The following EML4 variants were observed in gnomAD, a reference collection of about 807,000 sequenced individuals.
The protein encoded by EML4 is echinoderm microtubule-associated protein-like 4.
Under a neutral mutation model 129.0 loss-of-function variants are expected in EML4, and 72 were observed. The ratio of observed to expected loss-of-function variants is 0.56; its 90% CI spans 0.46 to 0.68. The LOEUF is 0.68. Among genes scored for constraint, EML4 ranks in the 30% least tolerant of loss-of-function variants. The pLI, the probability that EML4 is intolerant of heterozygous loss-of-function variation, is 0.00. For missense variants in EML4, 1,363 were observed against 1,190.6 expected, an observed-to-expected ratio of 1.14 and a Z score of -2.13; for synonymous variants, 532 against 405.0, an observed-to-expected ratio of 1.31 and a Z score of -3.77.
At chr2:42,308,377 G>A (rs1283013013) in intron 17 of EML4, among the ~76,000 whole-genome samples, 2 of 152,064 alleles carry the variant, frequency 1.3e-5, no homozygotes, top group East Asian at 1.9e-4. Flanking sequence ...GCGTGGTGGT[G>A]TGTGCACCTG....
chr2:42,315,358 A>G (rs1422600536), intron 17 of EML4, among the ~76,000 whole-genome samples: 1 of 152,170 alleles, frequency 6.6e-6, no homozygotes, highest in East Asian at 1.9e-4. Context: ...TGTCTTCTTC[A>G]AGAACACTGA....
Position 42,288,257 on chromosome 2 carries a change from G to C in EML4, c.1153G>C (p.Asp385His). Residue 385 changes from aspartate (D) to histidine (H), a missense_variant, in exon 11 of 23, where the codon GAC (aspartate) becomes CAC (histidine). Physicochemically the swap from Asp to His is moderately conservative, Grantham distance 81. Transcript: ENST00000318522. ...DSGVHLCIID[D>H]SNEHMLTVWD... The stretch of plus-strand genomic sequence containing the variant: ...AGGTGTTCATTTATGTATTATTGAT[G>C]ACTCCAATGAGCATATGCTTACTGT... The C allele has an allele frequency of 6.5e-7, 1 of 1,545,746 alleles. No homozygotes were observed. Among genetic ancestry groups the C allele is most frequent in the Non-Finnish European group, 8.9e-7 (1 of 1,128,984 alleles).
Position 42,302,688 on chromosome 2 carries a change from C to T in EML4, c.1642-416C>T, listed in dbSNP as rs147084639. ...AGCTGGGATTATAGGCGCCCGCCAC[C>T]GCACCTGGCTGATTTTTATATTTTT... On this transcript the variant is annotated intron_variant, in intron 14 of 22. Transcript: ENST00000318522. 1.8e-3 allele frequency among the ~76,000 whole-genome samples: 278 copies of T among 152,124 alleles called. 6 individuals are homozygous for T. In the East Asian group the frequency reaches 0.025, roughly 14 times the overall value.
At chr2:42,288,885 C>G (rs1667461811) in intron 11 of EML4, 2 of 152,080 alleles carry the variant, frequency 1.3e-5, no homozygotes, top group African/African-American at 4.8e-5. Context: ...TGCATTGAAG[C>G]TGGGTTTATA....
At chr2:42,191,529 T>A (rs527561927) in intron 1 of EML4, among the ~76,000 whole-genome samples, 7 of 152,258 alleles carry the variant, frequency 4.6e-5, no homozygotes, top group Admixed American at 1.3e-4. Context: ...AGAACCAATG[T>A]TTAGAAAAAT....
chr2:42,226,592 G>A (rs1055850545), intron 1 of EML4, among the ~76,000 whole-genome samples: 7 of 152,072 alleles, frequency 4.6e-5, no homozygotes, highest in African/African-American at 1.7e-4. Flanking sequence ...GGGAGGCGCA[G>A]GTTGCTGTGA....
chr2:42,225,223 T>C (rs1673879493), intron 1 of EML4, among the ~76,000 whole-genome samples: 1 of 152,144 alleles, frequency 6.6e-6, no homozygotes, highest in Non-Finnish European at 1.5e-5. Flanking sequence ...AACATTGGTG[T>C]ATAAAAGTAT....
intron 1 of EML4, among the ~76,000 whole-genome samples, chr2:42,205,621 AAAAG>A (rs1572540113): frequency 6.6e-6 from 1 of 152,198 alleles, no homozygotes; most frequent in African/African-American, 2.4e-5. Context: ...TGTTAGTGCA[AAAAG>A]AAAGGGTTTT....
At chr2:42,211,186 C>T (rs775108774) in intron 1 of EML4, among the ~76,000 whole-genome samples, 10 of 152,032 alleles carry the variant, frequency 6.6e-5, no homozygotes, top group Non-Finnish European at 1.2e-4. Context: ...TATGGTCTCC[C>T]ATCATGAAGG....
At chr2:42,203,930 T>C (rs1210923969) in intron 1 of EML4, among the ~76,000 whole-genome samples, 2 of 152,000 alleles carry the variant, frequency 1.3e-5, no homozygotes, top group Non-Finnish European at 2.9e-5. Flanking sequence ...CCTTTCTTTT[T>C]CCCCCAAAGA....
chr2:42,330,074 G>C lies in EML4; in HGVS notation c.2813G>C (p.Ser938Thr). The C allele has an allele frequency of 6.2e-7, 1 of 1,613,244 alleles. No homozygotes were observed. Residue 938 changes from serine (S) to threonine (T), a missense_variant, in exon 23 of 23, where the codon AGC (serine) becomes ACC (threonine). Transcript: ENST00000318522. ...ACTGTGGAGCCAAGTGAAGACCACA[G>C]CGAGGAGGAGAGTGAAGAGGGCAGC... ...EQTVEPSEDH[S>T]EEESEEGSGD...
intron 16 of EML4, 121 bp from the exon 17 acceptor site, chr2:42,304,363 C>A: frequency 1.4e-6 from 1 of 719,560 alleles, no homozygotes; most frequent in Non-Finnish European, 2.5e-6. Context: ...TTCTCATTAG[C>A]TACAAAGTTG....
At position 42,176,061 on chromosome 2, in the gene EML4, C is replaced by A. The variant is rs182130872; in HGVS notation, c.25+6425C>A. On this transcript the variant is annotated intron_variant, in intron 1 of 22. Coordinates refer to ENST00000318522, the MANE Select transcript of EML4 (RefSeq NM_019063.5). ...GGAGTCCAGTGGTCTTTTCTCTACT[C>A]CAATACTGACTCTTTATAACCCTCA... 9.8e-4 allele frequency among the ~76,000 whole-genome samples: 148 copies of A among 151,432 alleles called. 2 individuals carry two copies. The East Asian group carries it at 0.022, about 23-fold the overall frequency.
chr2:42,185,982 TGAGTTTAA>T (rs1373690882), intron 1 of EML4, among the ~76,000 whole-genome samples: 1 of 152,174 alleles, frequency 6.6e-6, no homozygotes, highest in African/African-American at 2.4e-5. Flanking sequence ...TTTATGCATA[TGAGTTTAA>T]GTGTTCATAG....
intron 1 of EML4, among the ~76,000 whole-genome samples, chr2:42,221,330 C>T (rs1673578739): frequency 6.6e-6 from 1 of 151,620 alleles, no homozygotes; most frequent in Non-Finnish European, 1.5e-5. Flanking sequence ...ATTATTCTAC[C>T]CTGCGCATGT....
At chr2:42,170,621 G>A (rs1247231535) in intron 1 of EML4, among the ~76,000 whole-genome samples, 1 of 152,228 alleles carries the variant, frequency 6.6e-6, no homozygotes, top group South Asian at 2.1e-4. Context: ...ATTCTTCGAG[G>A]CCATTGAAAT....
At chr2:42,236,289 T>A (rs1674668843) in intron 1 of EML4, among the ~76,000 whole-genome samples, 1 of 152,246 alleles carries the variant, frequency 6.6e-6, no homozygotes, top group South Asian at 2.1e-4. Flanking sequence ...GATATTCTGT[T>A]GGTTGTTAAT....
chr2:42,239,322 A>G (rs1445157906), intron 1 of EML4, among the ~76,000 whole-genome samples: 3 of 152,236 alleles, frequency 2.0e-5, no homozygotes, highest in African/African-American at 7.2e-5. Flanking sequence ...GGATATTTAT[A>G]ATGAAACACA....
intron 1 of EML4, among the ~76,000 whole-genome samples, chr2:42,212,973 C>G (rs747664111): frequency 2.9e-4 from 44 of 152,312 alleles, no homozygotes; most frequent in Non-Finnish European, 2.1e-4. Flanking sequence ...CTTATGTGAT[C>G]TCTAAGTCAC....
Sources: allele counts gnomAD v4.1 joint callset (sites outside exome capture counted in the v4.1 genomes callset), GRCh38; gene constraint gnomAD v4.1.1; transcripts MANE v1.5; gene names NCBI Gene and HGNC (gene_info 2026-07-23, HGNC 2026-07-21).